TNFSF13B: variants seen among roughly 807,000 people sequenced by gnomAD.
TNFSF13B encodes tumor necrosis factor ligand superfamily member 13B.
A neutral mutation model predicts 29.1 loss-of-function variants in TNFSF13B; 8 were observed. That is an observed-to-expected ratio of 0.27 (90% CI 0.16 to 0.50). TNFSF13B has a LOEUF of 0.50. Ranked by LOEUF, TNFSF13B falls within the 20% of genes least tolerant of loss-of-function variation. The pLI is 0.98. For missense variants in TNFSF13B, 248 were observed against 334.9 expected (o/e 0.74, Z 2.03); for synonymous variants, 125 against 130.8 (o/e 0.96, Z 0.30).
At chr13:108,306,019 T>C (rs562057965) in intron 5 of TNFSF13B, among the ~76,000 whole-genome samples, 3 of 152,268 alleles carry the variant, frequency 2.0e-5, no homozygotes, top group East Asian at 3.9e-4. Flanking sequence ...TTTCTTCTCT[T>C]CCCCCATTTC....
intron 2 of TNFSF13B, among the ~76,000 whole-genome samples, chr13:108,278,089 A>G (rs1381863448): frequency 1.3e-5 from 2 of 152,202 alleles, no homozygotes; most frequent in African/African-American, 4.8e-5. Flanking sequence ...CAACTAATTG[A>G]TAGGAGAGGT....
intron 2 of TNFSF13B, among the ~76,000 whole-genome samples, chr13:108,275,544 C>T (rs182646081): frequency 1.5e-4 from 23 of 151,962 alleles, no homozygotes; most frequent in African/African-American, 5.3e-4. Flanking sequence ...ATGGACAATT[C>T]AAAGTAATGT....
intron 3 of TNFSF13B, among the ~76,000 whole-genome samples, chr13:108,298,991 A>AAAAC (rs925446163): frequency 7.7e-6 from 1 of 129,938 alleles, no homozygotes; most frequent in Non-Finnish European, 1.7e-5. Context: ...AAACAAACAA[A>AAAAC]AAACAAACAA....
intron 2 of TNFSF13B, among the ~76,000 whole-genome samples, chr13:108,284,350 ATAAATGAATAAATAAACAAAC>A (rs1415823228): frequency 7.6e-6 from 1 of 130,886 alleles, no homozygotes; most frequent in Non-Finnish European, 1.7e-5. Flanking sequence ...AAATAAATAA[ATAAATGAATAAATAAACAAAC>A]AAACAAACAA....
In TNFSF13B at chr13:108,270,353, C is replaced by A. The variant is rs767452164; in HGVS notation, c.353C>A (p.Pro118Gln). Residue 118 changes from proline (P) to glutamine (Q), a missense_variant, in exon 2 of 6, where the codon CCA (proline) becomes CAA (glutamine). By Grantham distance (76) the Pro-to-Gln change is moderately conservative. Coordinates refer to ENST00000375887, the MANE Select transcript of TNFSF13B (RefSeq NM_006573.5). Reference protein sequence around the residue: ...VTAGLKIFEPPAPGEGNSSQN... With the variant: ...VTAGLKIFEPQAPGEGNSSQN... ...TTCTGTTCATAGATCTTTGAACCAC[C>A]AGCTCCAGGAGAAGGCAACTCCAGT... is the stretch of plus-strand genomic sequence containing the variant. 24 of 1,614,150 alleles carry A rather than the reference C, an allele frequency of 1.5e-5. No individual in the cohort carries two copies. In the South Asian group the frequency reaches 2.6e-4, roughly 18 times the overall value.
At position 108,302,745 on chromosome 13, in the gene TNFSF13B, T is replaced by C. The variant is rs975160676; in HGVS notation, c.482-508T>C. The C allele has an allele frequency of 2.0e-5, 17 of 852,726 alleles. No homozygotes were observed. In the African/African-American group the frequency reaches 2.9e-4, roughly 15 times the overall value. The allele number at this position is 852,726 out of a possible 1,614,324, so 52.8% of individuals were successfully genotyped here. On this transcript the variant is annotated intron_variant, in intron 3 of 5. Coordinates refer to ENST00000375887, the MANE Select transcript of TNFSF13B (RefSeq NM_006573.5). ...CCTTGACCGTTCTTAGTAAAGGTTG[T>C]GTCTTAGTCACTTTCTTCTTTCTTC...
intron 3 of TNFSF13B, among the ~76,000 whole-genome samples, chr13:108,297,851 T>C (rs1251757095): frequency 6.9e-6 from 1 of 145,704 alleles, no homozygotes; most frequent in Non-Finnish European, 1.5e-5. Context: ...ACATTAGGGT[T>C]CACCTTAATG....
intron 2 of TNFSF13B, among the ~76,000 whole-genome samples, chr13:108,271,021 CA>C (rs1373112029): frequency 1.8e-4 from 27 of 151,170 alleles, no homozygotes; most frequent in African/African-American, 6.3e-4. Flanking sequence ...TACGCTTTTC[CA>C]GGGGATCCAT....
chr13:108,274,041 T>C (rs572003137), intron 2 of TNFSF13B, among the ~76,000 whole-genome samples: 1 of 152,294 alleles, frequency 6.6e-6, no homozygotes, highest in East Asian at 1.9e-4. Context: ...TTCCTTATGA[T>C]TTTTTAAAAT....
intron 3 of TNFSF13B, among the ~76,000 whole-genome samples, chr13:108,299,436 T>C (rs1881549052): frequency 9.1e-6 from 1 of 109,742 alleles, no homozygotes; most frequent in Non-Finnish European, 2.1e-5. Flanking sequence ...TTTCTGTTAA[T>C]GGATGTGGAC....
At chr13:108,306,597 G>A (rs1881781592) in intron 5 of TNFSF13B, among the ~76,000 whole-genome samples, 1 of 151,864 alleles carries the variant, frequency 6.6e-6, no homozygotes, top group Admixed American at 6.6e-5. Flanking sequence ...ATTTTTTAAT[G>A]AGTAGGTGAT....
At chr13:108,278,109 A>T (rs1880809191) in intron 2 of TNFSF13B, among the ~76,000 whole-genome samples, 1 of 152,210 alleles carries the variant, frequency 6.6e-6, no homozygotes, top group African/African-American at 2.4e-5. Context: ...TAAGGTTTGA[A>T]TTCATTATCT....
In TNFSF13B at chr13:108,307,444, G is replaced by T. The variant is rs1189063979; in HGVS notation, c.*506G>T. 2 of 151,968 alleles carry T rather than the reference G, an allele frequency of 1.3e-5. No homozygotes were observed. The highest frequency in any genetic ancestry group is 2.9e-5 in the Non-Finnish European group (2 of 67,984). 9.4% of individuals were successfully genotyped at this position (151,968 alleles called of 1,614,324 possible). A position where few individuals can be genotyped will look rare whatever the true frequency, so the allele number is the denominator to read the frequency against. On this transcript the variant is annotated 3_prime_UTR_variant, in exon 6 of 6. Coordinates refer to ENST00000375887, the MANE Select transcript of TNFSF13B (RefSeq NM_006573.5). ...TAAAAAGTAAAAAATGAAAATTTTAGAAATCTTGCATTAGACACATGAAAA... is the reference window on the plus strand; with the variant it reads ...TAAAAAGTAAAAAATGAAAATTTTATAAATCTTGCATTAGACACATGAAAA...
At chr13:108,288,494 A>T (rs369573637) in intron 3 of TNFSF13B, among the ~76,000 whole-genome samples, 1 of 152,204 alleles carries the variant, frequency 6.6e-6, no homozygotes, top group Non-Finnish European at 1.5e-5. Context: ...TTAGTCTACA[A>T]TTGGGCAAAA....
intron 2 of TNFSF13B, among the ~76,000 whole-genome samples, chr13:108,285,056 T>C (rs1594523389): frequency 2.0e-5 from 3 of 152,212 alleles, no homozygotes; most frequent in Admixed American, 6.5e-5. Context: ...CATGGATACC[T>C]TTCTTGTATA....
In TNFSF13B at chr13:108,295,315, C is replaced by G. The variant is rs1201323206; in HGVS notation, c.482-7938C>G. On this transcript the variant is annotated intron_variant, in intron 3 of 5. Coordinates refer to ENST00000375887, the MANE Select transcript of TNFSF13B (RefSeq NM_006573.5). ...TCAGCCTCCCAAGTAGCTGGGACTA[C>G]AGGCATGTGCCACCAAGCCTAGCTA... Among the ~76,000 whole-genome samples, 2 of 145,046 alleles carry G rather than the reference C, an allele frequency of 1.4e-5. 1 individual carries two copies. Among genetic ancestry groups the G allele is most frequent in the Non-Finnish European group, 3.1e-5 (2 of 65,428 alleles).
chr13:108,299,199 A>G lies in TNFSF13B; in HGVS notation c.482-4054A>G, dbSNP rs1236289388. ...CATTATGTTTTTAATTTCAAATTCC[A>G]CTTGTTTATTACTGGTAGAAAAGTG... On this transcript the variant is annotated intron_variant, in intron 3 of 5. Transcript: ENST00000375887. 2.1e-5 allele frequency among the ~76,000 whole-genome samples: 3 copies of G among 145,624 alleles called. 1 individual carries two copies. The highest frequency in any genetic ancestry group is 7.7e-5 in the African/African-American group (3 of 38,794).
chr13:108,280,069 C>CT (rs35086854), intron 2 of TNFSF13B, among the ~76,000 whole-genome samples: 25,430 of 119,886 alleles, frequency 0.21, 2,702 homozygotes, highest in East Asian at 0.31. Flanking sequence ...ATGGCGTCTG[C>CT]TTTTTTTTTT....
At chr13:108,281,513 C>T (rs1225978337) in intron 2 of TNFSF13B, among the ~76,000 whole-genome samples, 1 of 152,130 alleles carries the variant, frequency 6.6e-6, no homozygotes. Flanking sequence ...CCAAACCATC[C>T]TCACCCTATG....
Sources: gnomAD v4.1 joint callset for allele counts (sites outside exome capture counted in the v4.1 genomes callset) on GRCh38, gnomAD v4.1.1 for gene constraint, MANE v1.5 for transcripts, NCBI Gene and HGNC (gene_info 2026-07-23, HGNC 2026-07-21) for gene names.